ZFP90: variants seen among roughly 807,000 people sequenced by gnomAD.
ZFP90 encodes zinc finger protein 90 homolog.
Under a neutral mutation model 60.8 loss-of-function variants are expected in ZFP90, and 38 were observed. The observed-to-expected ratio is 0.62, with a 90% confidence interval of 0.48 to 0.82. The LOEUF is 0.82. ZFP90 is among the 40% of genes least tolerant of loss of function. ZFP90 has a pLI of 0.00. For missense variants in ZFP90, 711 were observed against 759.1 expected (o/e 0.94, Z 0.74); for synonymous variants, 287 against 264.8 (o/e 1.08, Z -0.82).
Position 68,573,156 on chromosome 16 carries a change from T to C in ZFP90, c.224-2635T>C, listed in dbSNP as rs188444912. 1.2e-4 allele frequency among the ~76,000 whole-genome samples: 19 copies of C among 152,304 alleles called. No individual in the cohort carries two copies. In the East Asian group the frequency reaches 3.5e-3, roughly 28 times the overall value. On this transcript the variant is annotated intron_variant, in intron 2 of 2. Transcript: ENST00000573113. ...ATGTTCACCCTGTACCTGGAGCTCC[T>C]GGGAAGGAGGACAAGTGGGCAGGAG...
chr16:68,560,833 G>T (rs994602656), intron 4 of ZFP90, among the ~76,000 whole-genome samples: 10 of 151,084 alleles, frequency 6.6e-5, no homozygotes, highest in Admixed American at 2.6e-4. Flanking sequence ...CAAAGTGCTG[G>T]GATTACAAGC....
intron 2 of ZFP90, among the ~76,000 whole-genome samples, chr16:68,552,409 G>A (rs2091277669): frequency 6.6e-6 from 1 of 152,164 alleles, no homozygotes; most frequent in Non-Finnish European, 1.5e-5. Flanking sequence ...TATGAGCTGT[G>A]CTAGAGAGAG....
At chr16:68,547,587 C>G (rs1414610307) in intron 2 of ZFP90, among the ~76,000 whole-genome samples, 2 of 151,792 alleles carry the variant, frequency 1.3e-5, no homozygotes, top group Admixed American at 1.3e-4. Flanking sequence ...CATATTTTTC[C>G]CCTTAAACAT....
At chr16:68,544,903 A>G (rs2091119291) in intron 2 of ZFP90, among the ~76,000 whole-genome samples, 1 of 51,638 alleles carries the variant, frequency 1.9e-5, no homozygotes, top group Non-Finnish European at 3.6e-5. Context: ...TTTTTTTTTG[A>G]GATGGAGTCT....
At chr16:68,567,321 C>G (rs935315958), downstream of ZFP90, among the ~76,000 whole-genome samples, 1 of 152,216 alleles carries the variant, frequency 6.6e-6, no homozygotes, top group African/African-American at 2.4e-5. Context: ...CTTATAACTT[C>G]TGGTTAGCGG....
At chr16:68,552,006 C>A (rs1046403748) in intron 2 of ZFP90, among the ~76,000 whole-genome samples, 1 of 152,004 alleles carries the variant, frequency 6.6e-6, no homozygotes, top group Admixed American at 6.6e-5. Flanking sequence ...GTGATCCACC[C>A]GCCTTGGCCT....
intron 2 of ZFP90, among the ~76,000 whole-genome samples, chr16:68,554,207 C>T (rs2091307043): frequency 6.6e-6 from 1 of 151,496 alleles, no homozygotes; most frequent in African/African-American, 2.4e-5. Context: ...TTGCAGTTTC[C>T]ACCTCCCGGG....
upstream of ZFP90, among the ~76,000 whole-genome samples, chr16:68,537,017 T>G (rs554837149): frequency 6.6e-6 from 1 of 152,186 alleles, no homozygotes; most frequent in East Asian, 1.9e-4. Flanking sequence ...TAGGCATCTA[T>G]CTGTTCCTAA....
downstream of ZFP90, chr16:68,576,144 A>T: frequency 4.7e-6 from 1 of 211,688 alleles, no homozygotes. Context: ...TATCCCTGAA[A>T]ACCAACAGCC....
chr16:68,563,524 G>T lies in ZFP90; in HGVS notation c.737G>T (p.Gly246Val). 6.2e-7 allele frequency: 1 copy of T among 1,614,198 alleles called. No homozygotes were observed. Among genetic ancestry groups the T allele is most frequent in the Non-Finnish European group, 8.5e-7 (1 of 1,180,028 alleles). The change falls in exon 5 of 5, where the codon GGA (glycine) becomes GTA (valine). Residue 246 changes from glycine (G) to valine (V), a missense_variant. Gly to Val is a moderately radical substitution (Grantham distance 109, BLOSUM62 -3). Around this residue, in one of 5 missense-constraint regions of ZFP90, gnomAD observed 146 missense variants for 201.4 expected, o/e 0.73. Transcript: ENST00000563169. ...EGAFPNGTDQ[G>V]IYPGKKHHEC... ...GCTTTCCCTAATGGAACAGATCAAG[G>T]AATTTATCCTGGAAAGAAACACCAT...
chr16:68,540,808 C>CAAAGAAAAAAAAAAAAAAAA (rs1555497723), intron 2 of ZFP90, among the ~76,000 whole-genome samples: 1 of 92,698 alleles, frequency 1.1e-5, no homozygotes, highest in Non-Finnish European at 2.0e-5. Flanking sequence ...TCCGTCTCTG[C>CAAAGAAAAAAAAAAAAAAAA]AAAAAAAAAA....
chr16:68,567,763 T>C (rs899979596), downstream of ZFP90, among the ~76,000 whole-genome samples: 4 of 152,216 alleles, frequency 2.6e-5, no homozygotes, highest in Admixed American at 2.6e-4. Flanking sequence ...TTTATGTTTG[T>C]TGCTTGCATT....
In ZFP90 at chr16:68,564,648, A is replaced by G; in HGVS notation, c.1861A>G (p.Ser621Gly). The change falls in exon 5 of 5, where the codon AGT becomes GGT. Residue 621 changes from serine to glycine, a missense_variant. Physicochemically the swap from Ser to Gly is moderately conservative, Grantham distance 56 (BLOSUM62 0). Transcript: ENST00000563169. The part of the protein sequence containing the change: ...CKECGKNFSR[S>G]SALTKHQRIH... ...GGAATGTGGGAAAAACTTCAGCCGA[A>G]GTTCAGCTCTTACTAAACACCAGAG... The G allele has an allele frequency of 6.2e-7, 1 of 1,613,928 alleles. No homozygotes were observed. Among genetic ancestry groups the G allele is most frequent in the East Asian group, 2.2e-5 (1 of 44,878 alleles).
chr16:68,556,111 A>G (rs779919877), intron 2 of ZFP90, among the ~76,000 whole-genome samples: 15 of 152,208 alleles, frequency 9.9e-5, no homozygotes, highest in Admixed American at 3.3e-4. Flanking sequence ...TTGAGGCTGC[A>G]GTGATTCATG....
At position 68,534,229 on chromosome 16, in the gene ZFP90, C is replaced by CTTTTTTTTTTTT. The variant is rs1555496914; in HGVS notation, c.-36+377_-36+378insTTTTTTTTTTTT. On this transcript the variant is annotated intron_variant, in intron 2 of 3. Transcript: ENST00000569109. ...CATTTTTAACTTAAAGATTTTCTTT[C>CTTTTTTTTTTTT]TTTCTTTTTTTTTTTTTGAGACAGC... is the stretch of plus-strand genomic sequence containing the variant. 3.0e-5 allele frequency among the ~76,000 whole-genome samples: 4 copies of CTTTTTTTTTTTT among 135,146 alleles called. 1 individual carries two copies. Among genetic ancestry groups the CTTTTTTTTTTTT allele is most frequent in the African/African-American group, 2.8e-5 (1 of 35,640 alleles). The allele number at this position is 135,146 out of a possible 152,430, so 88.7% of individuals were successfully genotyped here.
At chr16:68,549,917 A>G (rs999474687) in intron 2 of ZFP90, among the ~76,000 whole-genome samples, 1 of 152,154 alleles carries the variant, frequency 6.6e-6, no homozygotes, top group African/African-American at 2.4e-5. Context: ...GCAAAGAAAC[A>G]CAAAAGAAAA....
intron 2 of ZFP90, among the ~76,000 whole-genome samples, chr16:68,545,466 C>G (rs773838202): frequency 6.6e-6 from 1 of 152,142 alleles, no homozygotes; most frequent in Non-Finnish European, 1.5e-5. Context: ...TTGCACTGAA[C>G]AGTTTTTAAA....
chr16:68,536,150 C>T (rs77053398), upstream of ZFP90, among the ~76,000 whole-genome samples: 9 of 152,336 alleles, frequency 5.9e-5, no homozygotes, highest in East Asian at 1.7e-3. Flanking sequence ...TGTTCTCTTT[C>T]CCTTTTCTCT....
chr16:68,541,379 T>A (rs2152054737), intron 2 of ZFP90, among the ~76,000 whole-genome samples: 1 of 152,094 alleles, frequency 6.6e-6, no homozygotes, highest in East Asian at 1.9e-4. Context: ...TTCTCCAGGC[T>A]GGATTTGAAT....
Sources: allele counts gnomAD v4.1 joint callset (sites outside exome capture counted in the v4.1 genomes callset), GRCh38; gene constraint gnomAD v4.1.1; regional missense constraint gnomAD v4.1.1; transcripts MANE v1.5; gene names NCBI Gene and HGNC (gene_info 2026-07-23, HGNC 2026-07-21).